IL17B: variants seen among roughly 807,000 people sequenced by gnomAD.
The protein encoded by IL17B is interleukin 17B.
A neutral mutation model predicts 14.7 loss-of-function variants in IL17B; 14 were observed. The ratio of observed to expected loss-of-function variants is 0.95; its 90% CI spans 0.63 to 1.49. The LOEUF is 1.49. IL17B is among the 40% of genes most tolerant of loss of function. The probability of loss-of-function intolerance (pLI) is 0.00; values close to 1 mark genes in which losing one functional copy is unlikely to be tolerated. For missense variants in IL17B, 233 were observed against 252.8 expected, an observed-to-expected ratio of 0.92 and a Z score of 0.53; for synonymous variants, 105 against 94.8, an observed-to-expected ratio of 1.11 and a Z score of -0.62.
At chr5:149,394,991 TGATA>T (rs1159767432) in intron 1 of IL17B, among the ~76,000 whole-genome samples, 2 of 152,200 alleles carry the variant, frequency 1.3e-5, no homozygotes, top group Non-Finnish European at 2.9e-5. Flanking sequence ...ACGTAATACC[TGATA>T]GATACATTTT....
intron 1 of IL17B, among the ~76,000 whole-genome samples, chr5:149,401,848 A>G (rs1465637443): frequency 6.6e-5 from 10 of 152,224 alleles, no homozygotes; most frequent in Non-Finnish European, 2.9e-5. Flanking sequence ...TAGTGAAGTA[A>G]GCCCAAATCA....
intron 1 of IL17B, among the ~76,000 whole-genome samples, chr5:149,388,160 G>A (rs570561320): frequency 5.6e-4 from 86 of 152,290 alleles, no homozygotes; most frequent in African/African-American, 2.0e-3. Context: ...CATGCCAGAG[G>A]GATAAGTTTT....
chr5:149,390,222 C>CCCCCCCG, intron 1 of IL17B, among the ~76,000 whole-genome samples: 1 of 147,952 alleles, frequency 6.8e-6, no homozygotes, highest in South Asian at 2.1e-4. Flanking sequence ...TAGTGACCCC[C>CCCCCCCG]CCCCTCCCTG....
intron 1 of IL17B, among the ~76,000 whole-genome samples, chr5:149,403,667 A>G (rs890702628): frequency 6.6e-6 from 1 of 152,102 alleles, no homozygotes; most frequent in African/African-American, 2.4e-5. Context: ...GAGATTAGGG[A>G]CAGGTTGGGA....
chr5:149,395,101 G>A (rs979832914), intron 1 of IL17B, among the ~76,000 whole-genome samples: 1 of 152,104 alleles, frequency 6.6e-6, no homozygotes, highest in African/African-American at 2.4e-5. Context: ...ACTTATAAGT[G>A]AGAACATGTG....
intron 1 of IL17B, among the ~76,000 whole-genome samples, chr5:149,402,154 G>A (rs1581399456): frequency 6.6e-6 from 1 of 152,266 alleles, no homozygotes; most frequent in African/African-American, 2.4e-5. Flanking sequence ...AGACCCATGT[G>A]GTCTTGTATC....
At chr5:149,388,552 A>C (rs1270394414) in intron 1 of IL17B, among the ~76,000 whole-genome samples, 2 of 152,136 alleles carry the variant, frequency 1.3e-5, no homozygotes, top group Admixed American at 6.5e-5. Flanking sequence ...CTGACTGCAA[A>C]CTGACTCTTT....
intron 1 of IL17B, among the ~76,000 whole-genome samples, chr5:149,396,028 G>T (rs1310893328): frequency 2.6e-5 from 4 of 152,160 alleles, no homozygotes; most frequent in Non-Finnish European, 5.9e-5. Flanking sequence ...AGTTGTCGTT[G>T]TTGCCATATC....
At chr5:149,388,650 AC>A (rs1208549314) in intron 1 of IL17B, among the ~76,000 whole-genome samples, 1 of 152,136 alleles carries the variant, frequency 6.6e-6, no homozygotes, top group Non-Finnish European at 1.5e-5. Flanking sequence ...GTAACAAGCA[AC>A]CCCCAAATCT....
chr5:149,392,190 T>A (rs1256906722), intron 1 of IL17B, among the ~76,000 whole-genome samples: 1 of 152,238 alleles, frequency 6.6e-6, no homozygotes, highest in East Asian at 1.9e-4. Flanking sequence ...GGCAGCCCCA[T>A]GTGGAAATGA....
chr5:149,378,057 T>C (rs1298737211), intron 1 of IL17B, among the ~76,000 whole-genome samples: 1 of 151,950 alleles, frequency 6.6e-6, no homozygotes, highest in Non-Finnish European at 1.5e-5. Flanking sequence ...GGCAGGAGAA[T>C]GGCCTGAACC....
intron 1 of IL17B, among the ~76,000 whole-genome samples, chr5:149,402,689 T>TAA (rs370816490): frequency 0.18 from 24,386 of 138,918 alleles, 2,322 homozygotes; most frequent in African/African-American, 0.24. Context: ...ACCATGCTTT[T>TAA]AAAAAAAAAA....
At chr5:149,387,599 G>A (rs1220975161) in intron 1 of IL17B, among the ~76,000 whole-genome samples, 3 of 151,610 alleles carry the variant, frequency 2.0e-5, no homozygotes, top group African/African-American at 4.8e-5. Context: ...CGAGATCCTC[G>A]TCTCTACAAA....
chr5:149,376,499 A>T (rs185358004), intron 2 of IL17B, among the ~76,000 whole-genome samples: 2 of 152,196 alleles, frequency 1.3e-5, no homozygotes, highest in Non-Finnish European at 2.9e-5. Flanking sequence ...CTCTGCATGG[A>T]TATCTCACTT....
chr5:149,397,838 T>C (rs1417436004), intron 1 of IL17B, among the ~76,000 whole-genome samples: 1 of 152,154 alleles, frequency 6.6e-6, no homozygotes, highest in Non-Finnish European at 1.5e-5. Context: ...GTCCAAAAGC[T>C]GGCAAGCCTG....
chr5:149,384,923 T>C (rs534101061), intron 1 of IL17B, among the ~76,000 whole-genome samples: 2,507 of 150,392 alleles, frequency 0.017, 28 homozygotes, highest in Non-Finnish European at 0.026. Context: ...TTTTTTTTTT[T>C]TTTGAGATGG....
At chr5:149,402,609 C>A (rs573360423) in intron 1 of IL17B, among the ~76,000 whole-genome samples, 1 of 151,626 alleles carries the variant, frequency 6.6e-6, no homozygotes, top group Non-Finnish European at 1.5e-5. Flanking sequence ...TCACACTTAC[C>A]CTCTCCTGAC....
chr5:149,374,486 C>G lies in IL17B; in HGVS notation c.426G>C (p.Pro142=). 1 of 1,612,950 alleles carries G rather than the reference C, an allele frequency of 6.2e-7. No homozygotes were observed. Among genetic ancestry groups the G allele is most frequent in the South Asian group, 1.1e-5 (1 of 91,082 alleles). ...MQEDRSMVSV[P]VFSQVPVRRR... The stretch of plus-strand genomic sequence containing the variant: ...GGCGCACAGGAACCTGGCTGAACAC[C>G]GGCACGCTCACCATGCTGCGGTCCT... Residue 142 remains proline (P), a synonymous_variant, in exon 3 of 3, where the codon CCG becomes CCC. Transcript: ENST00000261796. This position sits in a 1 kb window ranked among gnomAD's most constrained non-coding sequence, Gnocchi z 5.0.
chr5:149,381,107 C>T (rs1338855320), upstream of IL17B, among the ~76,000 whole-genome samples: 1 of 152,210 alleles, frequency 6.6e-6, no homozygotes, highest in Non-Finnish European at 1.5e-5. Context: ...TGGGGTGACC[C>T]TCCCATATCC....
Sources: gnomAD v4.1 joint callset for allele counts (sites outside exome capture counted in the v4.1 genomes callset) on GRCh38, gnomAD v4.1.1 for gene constraint, Gnocchi (gnomAD v3.1) non-coding constraint, MANE v1.5 for transcripts, NCBI Gene and HGNC (gene_info 2026-07-23, HGNC 2026-07-21) for gene names.